The following MDGA2 variants were observed in gnomAD, a reference collection of about 807,000 sequenced individuals.
MDGA2 encodes the protein MAM domain containing glycosylphosphatidylinositol anchor 2.
In MDGA2, 40 loss-of-function variants were observed where a neutral mutation model predicts 117.8. The ratio of observed to expected loss-of-function variants is 0.34; its 90% CI spans 0.26 to 0.44. The LOEUF (loss-of-function observed/expected upper bound fraction) is 0.44. Among genes scored for constraint, MDGA2 ranks in the 20% least tolerant of loss-of-function variants. The pLI is 1.00. For synonymous variants in MDGA2, 452 were observed against 439.0 expected (o/e 1.03, Z -0.37); for missense variants, 1,123 against 1,250.6 (o/e 0.90, Z 1.54).
At chr14:47,228,771 A>C (rs1886592549) in intron 2 of MDGA2, among the ~76,000 whole-genome samples, 1 of 152,182 alleles carries the variant, frequency 6.6e-6, no homozygotes, top group Non-Finnish European at 1.5e-5. Flanking sequence ...AGTTTGGTGA[A>C]AAAAGGATAC....
At chr14:46,992,770 G>T (rs1053614101) in intron 8 of MDGA2, among the ~76,000 whole-genome samples, 4 of 152,076 alleles carry the variant, frequency 2.6e-5, no homozygotes, top group Non-Finnish European at 5.9e-5. Flanking sequence ...ACTTTGATAT[G>T]CAGAGAAATT....
chr14:47,360,781 T>C (rs1594816496), intron 1 of MDGA2, among the ~76,000 whole-genome samples: 6 of 152,220 alleles, frequency 3.9e-5, no homozygotes, highest in Admixed American at 3.3e-4. Flanking sequence ...GCCATGTTCA[T>C]TGCAGCATTA....
chr14:46,917,238 C>A (rs2933192), intron 10 of MDGA2, among the ~76,000 whole-genome samples: 56,066 of 151,978 alleles, frequency 0.37, 10,964 homozygotes, highest in East Asian at 0.61. Flanking sequence ...AATGCTTAGG[C>A]TTAGAATAAA....
intron 8 of MDGA2, among the ~76,000 whole-genome samples, chr14:46,969,255 C>A (rs11129024): frequency 0.12 from 17,957 of 152,134 alleles, 2,023 homozygotes; most frequent in African/African-American, 0.27. Context: ...ATTCCTTTGG[C>A]TATATACCCA....
chr14:47,332,371 A>G (rs1035931013), intron 1 of MDGA2, among the ~76,000 whole-genome samples: 2 of 152,020 alleles, frequency 1.3e-5, no homozygotes, highest in Admixed American at 1.3e-4. Context: ...GAATTCAGAC[A>G]TGCTGTTGAA....
At chr14:47,390,819 C>A (rs996117181) in intron 1 of MDGA2, among the ~76,000 whole-genome samples, 3 of 152,034 alleles carry the variant, frequency 2.0e-5, no homozygotes, top group Admixed American at 1.3e-4. Context: ...TCCTGGTTTC[C>A]GGGACACCAG....
intron 9 of MDGA2, among the ~76,000 whole-genome samples, chr14:46,940,557 G>T (rs1056568686): frequency 6.6e-6 from 1 of 151,916 alleles, no homozygotes; most frequent in Non-Finnish European, 1.5e-5. Flanking sequence ...GAACCCGGGG[G>T]GTGGAGGCTG....
intron 2 of MDGA2, among the ~76,000 whole-genome samples, chr14:47,295,538 A>G: frequency 6.6e-6 from 1 of 152,190 alleles, no homozygotes; most frequent in East Asian, 1.9e-4. Context: ...GGGTAGATAA[A>G]AAATGTTTGA....
At chr14:47,630,768 G>A (rs1470171030) in intron 1 of MDGA2, among the ~76,000 whole-genome samples, 1 of 152,152 alleles carries the variant, frequency 6.6e-6, no homozygotes, top group African/African-American at 2.4e-5. Flanking sequence ...AATGTCCTGA[G>A]TACATAGAAC....
intron 1 of MDGA2, among the ~76,000 whole-genome samples, chr14:47,538,029 T>G (rs1895259661): frequency 6.6e-6 from 1 of 152,248 alleles, no homozygotes; most frequent in Non-Finnish European, 1.5e-5. Context: ...CACTGATGTT[T>G]AAGACAATAC....
At position 47,456,435 on chromosome 14, in the gene MDGA2, G is replaced by C. The variant is rs1594866238; in HGVS notation, c.281-154885C>G. Among the ~76,000 whole-genome samples the C allele has an allele frequency of 2.0e-5, 3 of 151,462 alleles. No homozygotes were observed. In the Middle Eastern group the frequency reaches 0.01, roughly 515 times the overall value. ...AGCCTCCTAAGTAGCTGGGATTACA[G>C]GCATGCACCACCACGCCTGGCTAAT... is the stretch of plus-strand genomic sequence containing the variant. On this transcript the variant is annotated intron_variant, in intron 1 of 16. Transcript: ENST00000399232.
In MDGA2 at chr14:46,918,515, T is replaced by G. The variant is rs188670004; in HGVS notation, c.2238+1497A>C. 3.9e-4 allele frequency among the ~76,000 whole-genome samples: 60 copies of G among 152,276 alleles called. 1 individual carries two copies. In the East Asian group the frequency reaches 0.011, roughly 28 times the overall value. The stretch of plus-strand genomic sequence containing the variant: ...GTTTAAGAAAATTAGCAAATTAGAA[T>G]GGGTAGAACGATGTTAATATAGATT... On this transcript the variant is annotated intron_variant, in intron 10 of 16. Coordinates refer to ENST00000399232, the MANE Select transcript of MDGA2 (RefSeq NM_001113498.3).
At chr14:47,418,215 C>T (rs1479147768) in intron 1 of MDGA2, among the ~76,000 whole-genome samples, 1 of 151,948 alleles carries the variant, frequency 6.6e-6, no homozygotes, top group African/African-American at 2.4e-5. Flanking sequence ...TTGAGGATTA[C>T]ACTGGGATTA....
At chr14:46,844,221 T>C (rs1880728298) in intron 16 of MDGA2, among the ~76,000 whole-genome samples, 1 of 152,190 alleles carries the variant, frequency 6.6e-6, no homozygotes, top group Admixed American at 6.5e-5. Context: ...AGACCATAAA[T>C]ATGAGGTCTA....
chr14:47,523,350 C>A (rs1894908040), intron 1 of MDGA2, among the ~76,000 whole-genome samples: 1 of 152,086 alleles, frequency 6.6e-6, no homozygotes, highest in Admixed American at 6.6e-5. Context: ...AGGTTAAATA[C>A]AATTTAATTG....
intron 8 of MDGA2, among the ~76,000 whole-genome samples, chr14:46,990,412 T>C (rs2138428093): frequency 6.6e-6 from 1 of 152,158 alleles, no homozygotes; most frequent in South Asian, 2.1e-4. Context: ...GTAAAATTTG[T>C]TTAAAAATTC....
At chr14:47,378,374 T>C (rs562355775) in intron 1 of MDGA2, among the ~76,000 whole-genome samples, 57 of 152,022 alleles carry the variant, frequency 3.7e-4, no homozygotes, top group Admixed American at 6.6e-4. Context: ...ATTTGATGAG[T>C]TGAGTGAATA....
intron 8 of MDGA2, among the ~76,000 whole-genome samples, chr14:46,990,059 G>A (rs1887025888): frequency 6.6e-6 from 1 of 152,048 alleles, no homozygotes; most frequent in Non-Finnish European, 1.5e-5. Context: ...AGAGTTCATA[G>A]GTTCAAATCC....
chr14:47,628,891 T>G (rs1334560308), intron 1 of MDGA2, among the ~76,000 whole-genome samples: 1 of 152,190 alleles, frequency 6.6e-6, no homozygotes, highest in Non-Finnish European at 1.5e-5. Context: ...ACTCCACATA[T>G]ATAAAGGTCA....
Sources: allele counts gnomAD v4.1 joint callset (sites outside exome capture counted in the v4.1 genomes callset), GRCh38; gene constraint gnomAD v4.1.1; transcripts MANE v1.5; gene names NCBI Gene and HGNC (gene_info 2026-07-23, HGNC 2026-07-21).